The following CDH4 variants were observed in gnomAD, a reference collection of about 807,000 sequenced individuals.
CDH4 encodes cadherin-4.
Under a neutral mutation model 86.0 loss-of-function variants are expected in CDH4, and 33 were observed. The ratio of observed to expected loss-of-function variants is 0.38; its 90% CI spans 0.29 to 0.51. The LOEUF (loss-of-function observed/expected upper bound fraction) is 0.51, where lower values mean the gene tolerates loss of function less well. CDH4 is among the 20% of genes least tolerant of loss of function. CDH4 has a pLI of 0.86. For synonymous variants in CDH4, 555 were observed against 549.4 expected (o/e 1.01, Z -0.14); for missense variants, 1,114 against 1,307.4 (o/e 0.85, Z 2.28).
At chr20:61,868,049 T>G (rs933690969) in intron 6 of CDH4, among the ~76,000 whole-genome samples, 4 of 152,246 alleles carry the variant, frequency 2.6e-5, no homozygotes, top group African/African-American at 4.8e-5. Flanking sequence ...AGGCAGAGAC[T>G]TGGACCCCTG....
At chr20:61,802,334 A>C (rs919000582) in intron 4 of CDH4, among the ~76,000 whole-genome samples, 1 of 152,176 alleles carries the variant, frequency 6.6e-6, no homozygotes. Context: ...TTGAACCCCA[A>C]AAGTCAGACT....
At chr20:61,928,040 G>A in intron 11 of CDH4, 150 bp from the exon 12 acceptor site, 1 of 712,336 alleles carries the variant, frequency 1.4e-6, no homozygotes, top group South Asian at 1.6e-5. Context: ...GCTGTGTTGG[G>A]AGATGGCCGG....
chr20:61,611,846 C>T (rs1386784079), intron 2 of CDH4, among the ~76,000 whole-genome samples: 6 of 152,054 alleles, frequency 3.9e-5, no homozygotes, highest in Admixed American at 2.6e-4. Flanking sequence ...TGGGCTCCAC[C>T]AGGGCTTCAC....
chr20:61,737,660 C>G (rs1192725713), intron 2 of CDH4, among the ~76,000 whole-genome samples: 3 of 152,200 alleles, frequency 2.0e-5, no homozygotes, highest in African/African-American at 7.2e-5. Context: ...GCCTTGCTCC[C>G]TGGTGCCATG....
At chr20:61,554,981 AAT>A (rs1600754323) in intron 2 of CDH4, among the ~76,000 whole-genome samples, 1 of 152,314 alleles carries the variant, frequency 6.6e-6, no homozygotes, top group East Asian at 1.9e-4. Context: ...TTACATGGCA[AAT>A]ATATGTGAAG....
At chr20:61,429,119 GAC>G (rs1189250033) in intron 2 of CDH4, among the ~76,000 whole-genome samples, 2 of 152,096 alleles carry the variant, frequency 1.3e-5, no homozygotes, top group Non-Finnish European at 2.9e-5. Flanking sequence ...CTTATATAAT[GAC>G]AGCTTATATT....
At chr20:61,795,911 G>C (rs1471462352) in intron 4 of CDH4, among the ~76,000 whole-genome samples, 2 of 152,132 alleles carry the variant, frequency 1.3e-5, no homozygotes, top group Non-Finnish European at 2.9e-5. Context: ...AAGAAGGGCG[G>C]GCTTTGTCCT....
At chr20:61,530,589 C>G (rs575967311) in intron 2 of CDH4, among the ~76,000 whole-genome samples, 94 of 152,232 alleles carry the variant, frequency 6.2e-4, no homozygotes, top group African/African-American at 2.2e-3. Context: ...CAGAGCAAGC[C>G]AGGGAGGCAG....
At chr20:61,661,080 A>T (rs62197808) in intron 2 of CDH4, among the ~76,000 whole-genome samples, 11,984 of 43,820 alleles carry the variant, frequency 0.27, 985 homozygotes, top group South Asian at 0.36. Flanking sequence ...GACAGGAGGC[A>T]TGGCGGGGGG....
intron 2 of CDH4, among the ~76,000 whole-genome samples, chr20:61,711,642 AC>A (rs1373002116): frequency 6.6e-6 from 1 of 152,078 alleles, no homozygotes; most frequent in Non-Finnish European, 1.5e-5. Context: ...ACTTAAACAC[AC>A]CTGCAAGTCT....
chr20:61,752,967 G>C (rs2088518112), intron 3 of CDH4, among the ~76,000 whole-genome samples: 1 of 152,072 alleles, frequency 6.6e-6, no homozygotes, highest in African/African-American at 2.4e-5. Flanking sequence ...TTTTTTAGCT[G>C]GTGTTCTGTA....
intron 2 of CDH4, among the ~76,000 whole-genome samples, chr20:61,328,611 C>T (rs1246386588): frequency 6.6e-6 from 1 of 152,090 alleles, no homozygotes; most frequent in African/African-American, 2.4e-5. Flanking sequence ...TGGCCAAACC[C>T]CATCTTTACT....
At chr20:61,933,417 A>G (rs549804672) in intron 14 of CDH4, among the ~76,000 whole-genome samples, 5 of 152,260 alleles carry the variant, frequency 3.3e-5, no homozygotes, top group African/African-American at 1.2e-4. Flanking sequence ...CGGGTTGGCC[A>G]AGCACACCGA....
At chr20:61,470,681 A>G (rs2085496980) in intron 2 of CDH4, among the ~76,000 whole-genome samples, 3 of 152,036 alleles carry the variant, frequency 2.0e-5, no homozygotes, top group South Asian at 4.1e-4. Flanking sequence ...TCTGTCATAT[A>G]TGGCTTTTAC....
intron 2 of CDH4, among the ~76,000 whole-genome samples, chr20:61,473,505 T>C (rs527261904): frequency 2.0e-5 from 3 of 152,220 alleles, no homozygotes; most frequent in African/African-American, 7.2e-5. Flanking sequence ...TTTTCTCCAA[T>C]GCTGGGTCTT....
intron 4 of CDH4, among the ~76,000 whole-genome samples, chr20:61,798,510 C>T (rs1194987284): frequency 6.6e-6 from 1 of 152,214 alleles, no homozygotes; most frequent in Admixed American, 6.5e-5. Flanking sequence ...CGGGTGGGCC[C>T]CTCAGGAAGA....
Position 61,648,391 on chromosome 20 carries a change from C to T in CDH4, c.170-95172C>T, listed in dbSNP as rs959977830. ...TCCTCTGTGCAGACAGGATTTCTCA[C>T]TTAACCTCTGAGGGCCGGCAGTGTG... On this transcript the variant is annotated intron_variant, in intron 2 of 15. Coordinates refer to ENST00000614565, the MANE Select transcript of CDH4 (RefSeq NM_001794.5). Among the ~76,000 whole-genome samples the T allele has an allele frequency of 6.6e-5, 10 of 152,274 alleles. No individual in the cohort carries two copies. The South Asian group carries it at 1.5e-3, about 22-fold the overall frequency.
Position 61,393,273 on chromosome 20 carries a change from G to A in CDH4, c.169+138336G>A, listed in dbSNP as rs968896844. 6.6e-5 allele frequency among the ~76,000 whole-genome samples: 10 copies of A among 152,034 alleles called. No homozygotes were observed. Among genetic ancestry groups the A allele is most frequent in the Non-Finnish European group, 7.4e-5 (5 of 68,018 alleles). On this transcript the variant is annotated intron_variant, in intron 2 of 15. Coordinates refer to ENST00000614565, the MANE Select transcript of CDH4 (RefSeq NM_001794.5). This position sits in a 1 kb window ranked among gnomAD's most constrained non-coding sequence, Gnocchi z 4.3. ...TCCAACAAGAGGCCATCTCACGGGC[G>A]AGCCCACACACCTGGAGAGAAACAG...
chr20:61,929,925 C>A, intron 13 of CDH4, 83 bp downstream of exon 13: 1 of 1,106,644 alleles, frequency 9.0e-7, no homozygotes, highest in Non-Finnish European at 1.4e-6. Context: ...AGAGGGGGGC[C>A]TGGATTTGCC....
Sources: gnomAD v4.1 joint callset for allele counts (sites outside exome capture counted in the v4.1 genomes callset) on GRCh38, gnomAD v4.1.1 for gene constraint, Gnocchi (gnomAD v3.1) non-coding constraint, MANE v1.5 for transcripts, NCBI Gene and HGNC (gene_info 2026-07-23, HGNC 2026-07-21) for gene names.